Variants in SLC4A7 observed in about 807,000 individuals in gnomAD.
SLC4A7 encodes solute carrier family 4 member 7.
In SLC4A7, 51 loss-of-function variants were observed where a neutral mutation model predicts 137.6. The ratio of observed to expected loss-of-function variants is 0.37; its 90% CI spans 0.30 to 0.47. The LOEUF is 0.47. Among genes scored for constraint, SLC4A7 ranks in the 20% least tolerant of loss-of-function variants. The pLI, the probability that SLC4A7 is intolerant of heterozygous loss-of-function variation, is 1.00. For synonymous variants in SLC4A7, 542 were observed against 518.6 expected, an observed-to-expected ratio of 1.05 and a Z score of -0.61; for missense variants, 1,247 against 1,525.4, an observed-to-expected ratio of 0.82 and a Z score of 3.04.
intron 3 of SLC4A7, among the ~76,000 whole-genome samples, chr3:27,444,036 C>T (rs12487909): frequency 2.0e-5 from 3 of 151,986 alleles, no homozygotes; most frequent in African/African-American, 7.3e-5. Flanking sequence ...TCGTAGAGAA[C>T]GTATTCTGCT....
chr3:27,392,752 G>A (rs527486441), intron 20 of SLC4A7, among the ~76,000 whole-genome samples: 73 of 152,052 alleles, frequency 4.8e-4, no homozygotes, highest in African/African-American at 1.7e-3. Context: ...TTTGAACCCA[G>A]GAGGCAGAGG....
intron 6 of SLC4A7, among the ~76,000 whole-genome samples, chr3:27,432,748 T>G (rs1259353911): frequency 6.6e-6 from 1 of 152,188 alleles, no homozygotes; most frequent in African/African-American, 2.4e-5. Flanking sequence ...AGTCAATGTC[T>G]TCTGATGAGC....
intron 1 of SLC4A7, among the ~76,000 whole-genome samples, chr3:27,477,911 G>A (rs981320041): frequency 6.6e-6 from 1 of 152,032 alleles, no homozygotes; most frequent in Non-Finnish European, 1.5e-5. Context: ...CACCGCGCCC[G>A]GCTTTCATGC....
intron 7 of SLC4A7, among the ~76,000 whole-genome samples, chr3:27,426,384 A>T (rs34307140): frequency 6.6e-6 from 1 of 152,040 alleles, no homozygotes; most frequent in African/African-American, 2.4e-5. Flanking sequence ...AGAGATAAAA[A>T]GTTAACCAGT....
chr3:27,384,528 C>T (rs535867759), intron 23 of SLC4A7, among the ~76,000 whole-genome samples: 2 of 152,226 alleles, frequency 1.3e-5, no homozygotes, highest in South Asian at 2.1e-4. Flanking sequence ...ACAAGAATAA[C>T]CTTGTGTTTA....
chr3:27,461,289 T>C (rs966271855), intron 1 of SLC4A7, among the ~76,000 whole-genome samples: 2 of 151,812 alleles, frequency 1.3e-5, no homozygotes, highest in Non-Finnish European at 1.5e-5. Context: ...TCCCAGCTAC[T>C]TGGGAGACTG....
intron 11 of SLC4A7, among the ~76,000 whole-genome samples, chr3:27,414,288 AT>A (rs1553691395): frequency 6.6e-6 from 1 of 152,154 alleles, no homozygotes; most frequent in Non-Finnish European, 1.5e-5. Flanking sequence ...CTCAAAAAAA[AT>A]AATAAAATAC....
chr3:27,484,040 G>A, intron 1 of SLC4A7, 27 bp downstream of exon 1: 1 of 1,385,218 alleles, frequency 7.2e-7, no homozygotes, highest in Non-Finnish European at 9.4e-7. Flanking sequence ...CCCCTGCGGA[G>A]GAGCCCCACC....
At chr3:27,461,183 C>G (rs904990798) in intron 1 of SLC4A7, among the ~76,000 whole-genome samples, 3 of 148,464 alleles carry the variant, frequency 2.0e-5, no homozygotes, top group African/African-American at 7.5e-5. Flanking sequence ...GACAGTGTAC[C>G]TAGAATGACA....
Position 27,405,832 on chromosome 3 carries a change from T to C in SLC4A7, c.1942-869A>G, listed in dbSNP as rs150029104. Among the ~76,000 whole-genome samples, 592 of 152,144 alleles carry C rather than the reference T, an allele frequency of 3.9e-3. 1 individual carries two copies. The highest frequency in any genetic ancestry group is 0.014 in the African/African-American group (572 of 41,496). ...ATCACTAAAGTTTGGCAAGAAAAGA[T>C]AGAGAAAATGAAAGACTAAGAGAAT... On this transcript the variant is annotated intron_variant, in intron 13 of 25. Transcript: ENST00000454389.
Position 27,484,054 on chromosome 3 carries a change from G to A in SLC4A7, c.60+13C>T. The stretch of plus-strand genomic sequence containing the variant: ...CCCCCTGCGGAGGAGCCCCACCGCC[G>A]CGGCGCCCTCACCCTGCTCGTTACC... On this transcript the variant is annotated intron_variant, in intron 1 of 25. Transcript: ENST00000454389. 1.4e-6 allele frequency: 2 copies of A among 1,395,620 alleles called. No individual in the cohort carries two copies. The highest frequency in any genetic ancestry group is 3.2e-5 in the East Asian group (1 of 31,502). 86.5% of individuals were successfully genotyped at this position (1,395,620 alleles called of 1,614,324 possible).
intron 13 of SLC4A7, among the ~76,000 whole-genome samples, chr3:27,407,110 C>CTTTTTTT: frequency 8.0e-6 from 1 of 125,260 alleles, no homozygotes; most frequent in Non-Finnish European, 1.8e-5. Context: ...ATATGAAGAC[C>CTTTTTTT]TTTTTTTTTT....
At chr3:27,472,232 T>C (rs1224483646) in intron 1 of SLC4A7, among the ~76,000 whole-genome samples, 1 of 152,244 alleles carries the variant, frequency 6.6e-6, no homozygotes, top group African/African-American at 2.4e-5. Flanking sequence ...AAATAAGTTA[T>C]ATAAAAATTG....
At chr3:27,440,864 G>A (rs1281616159) in intron 3 of SLC4A7, among the ~76,000 whole-genome samples, 1 of 152,136 alleles carries the variant, frequency 6.6e-6, no homozygotes, top group Non-Finnish European at 1.5e-5. Context: ...GGCCAACATG[G>A]TGAAACCCTG....
At position 27,448,652 on chromosome 3, in the gene SLC4A7, A is replaced by G. The variant is rs771110452; in HGVS notation, c.288T>C (p.Tyr96=). 7.5e-6 allele frequency: 12 copies of G among 1,609,800 alleles called. No individual in the cohort carries two copies. Among genetic ancestry groups the G allele is most frequent in the African/African-American group, 2.7e-5 (2 of 74,372 alleles). The change falls in exon 3 of 26, where the codon TAT becomes TAC. Residue 96 remains tyrosine, a splice_region_variant and synonymous_variant. Coordinates refer to ENST00000454389, the MANE Select transcript of SLC4A7 (RefSeq NM_001321103.2). ...DKEDGRESPS[Y]DTPSQRVQFI... ...TAAAGAAGAACTGTTTTCTCTTACC[A>G]TAAGAAGGAGATTCCCGTCCATCTT...
At chr3:27,378,878 T>A (rs527616352) in intron 25 of SLC4A7, among the ~76,000 whole-genome samples, 1 of 152,248 alleles carries the variant, frequency 6.6e-6, no homozygotes, top group Non-Finnish European at 1.5e-5. Context: ...ATATGAAATT[T>A]ACTTTTATGA....
At chr3:27,473,986 T>C (rs1422516137) in intron 1 of SLC4A7, among the ~76,000 whole-genome samples, 1 of 152,130 alleles carries the variant, frequency 6.6e-6, no homozygotes, top group African/African-American at 2.4e-5. Context: ...ATATGAACCC[T>C]TTATAAAGTA....
At chr3:27,424,870 TCAGA>T (rs1159605808) in intron 7 of SLC4A7, among the ~76,000 whole-genome samples, 3 of 152,216 alleles carry the variant, frequency 2.0e-5, no homozygotes, top group Non-Finnish European at 2.9e-5. Flanking sequence ...TCTCTAAGAG[TCAGA>T]CAAACTCATA....
chr3:27,484,183 C>T lies in SLC4A7; in HGVS notation c.-57G>A. On this transcript the variant is annotated 5_prime_UTR_variant, in exon 1 of 26. Coordinates refer to ENST00000454389, the MANE Select transcript of SLC4A7 (RefSeq NM_001321103.2). ...GGTACTGCCCCGCGCGGTCTGCCTG[C>T]TTCTGCCGCTGCCCCTGCCGCCGCC... The T allele has an allele frequency of 1.6e-6, 2 of 1,218,850 alleles. No homozygotes were observed. Among genetic ancestry groups the T allele is most frequent in the East Asian group, 3.3e-5 (1 of 30,100 alleles). 75.5% of individuals were successfully genotyped at this position (1,218,850 alleles called of 1,614,324 possible). A position where few individuals can be genotyped will look rare whatever the true frequency, so the allele number is the denominator to read the frequency against.
Sources: gnomAD v4.1 joint callset for allele counts (sites outside exome capture counted in the v4.1 genomes callset) on GRCh38, gnomAD v4.1.1 for gene constraint, MANE v1.5 for transcripts, NCBI Gene and HGNC (gene_info 2026-07-23, HGNC 2026-07-21) for gene names.